The following ATP8A2 variants were observed in gnomAD, a reference collection of about 807,000 sequenced individuals.
The protein encoded by ATP8A2 is ATPase phospholipid transporting 8A2, also known as phospholipid-transporting ATPase IB.
In ATP8A2, 100 loss-of-function variants were observed where a neutral mutation model predicts 165.6. The ratio of observed to expected loss-of-function variants is 0.60; its 90% CI spans 0.51 to 0.71. The LOEUF (loss-of-function observed/expected upper bound fraction) is 0.71. Among genes scored for constraint, ATP8A2 ranks in the 30% least tolerant of loss-of-function variants. The pLI is 0.00. For missense variants in ATP8A2, 1,227 were observed against 1,479.5 expected (o/e 0.83, Z 2.80); for synonymous variants, 543 against 548.8 (o/e 0.99, Z 0.15).
chr13:25,678,524 TGCCAG>T (rs1053062836), intron 24 of ATP8A2, among the ~76,000 whole-genome samples: 2 of 151,972 alleles, frequency 1.3e-5, no homozygotes, highest in African/African-American at 2.4e-5. Context: ...CCTGAGAGTG[TGCCAG>T]CAGGTGGGGT....
intron 36 of ATP8A2, 92 bp downstream of exon 36, chr13:26,012,714 GCCGGGTGAGTGCTGACGGGGGGT>G: frequency 2.3e-5 from 6 of 257,104 alleles, no homozygotes; most frequent in South Asian, 1.7e-4. Context: ...CTGATGGGGG[GCCGGGTGAGTGCTGACGGGGGGT>G]GGGGGCGGGG....
chr13:25,429,938 G>A (rs1221017929), intron 1 of ATP8A2, among the ~76,000 whole-genome samples: 3 of 152,158 alleles, frequency 2.0e-5, no homozygotes, highest in Non-Finnish European at 4.4e-5. Context: ...ATGGCTGTGG[G>A]GATTTTGAGG....
chr13:25,712,615 A>G (rs1367807517), intron 25 of ATP8A2, among the ~76,000 whole-genome samples: 3 of 152,244 alleles, frequency 2.0e-5, no homozygotes, highest in African/African-American at 7.2e-5. Flanking sequence ...GATGATACAT[A>G]AAAAGGATAT....
chr13:25,612,112 AT>A lies in ATP8A2; in HGVS notation c.2211+22420del, dbSNP rs780950974. ...GCTTTTCATTTCATTTATCTTTTGTATTTTTTTGTTTCAATTTTATTTAGTT... is the reference window on the plus strand; with the variant it reads ...GCTTTTCATTTCATTTATCTTTTGTATTTTTTGTTTCAATTTTATTTAGTT... On this transcript the variant is annotated intron_variant, in intron 24 of 36. Coordinates refer to ENST00000381655, the MANE Select transcript of ATP8A2 (RefSeq NM_016529.6). 2.2e-4 allele frequency among the ~76,000 whole-genome samples: 33 copies of A among 151,276 alleles called. 1 individual carries two copies. Among genetic ancestry groups the A allele is most frequent in the East Asian group, 1.6e-3 (8 of 5,134 alleles).
chr13:25,465,889 T>A (rs1240774738), intron 1 of ATP8A2, among the ~76,000 whole-genome samples: 1 of 151,252 alleles, frequency 6.6e-6, no homozygotes. Flanking sequence ...CCTCCCAAAG[T>A]GTTGGGATTA....
At chr13:25,442,205 G>T (rs895501761) in intron 1 of ATP8A2, among the ~76,000 whole-genome samples, 1 of 152,142 alleles carries the variant, frequency 6.6e-6, no homozygotes, top group Non-Finnish European at 1.5e-5. Flanking sequence ...TATAAACATG[G>T]GTGTACAAAT....
chr13:25,968,717 G>T (rs773002289), intron 35 of ATP8A2, 38 bp downstream of exon 35: 1 of 1,517,676 alleles, frequency 6.6e-7, no homozygotes, highest in Admixed American at 1.8e-5. Flanking sequence ...GAACACAGGT[G>T]CTCCCGGCCC....
At chr13:25,507,263 GTATT>G (rs1249923770) in intron 2 of ATP8A2, among the ~76,000 whole-genome samples, 7 of 40,470 alleles carry the variant, frequency 1.7e-4, no homozygotes, top group Non-Finnish European at 2.1e-4. Flanking sequence ...GTGTGTGTGT[GTATT>G]TTGTTGTTGT....
intron 1 of ATP8A2, among the ~76,000 whole-genome samples, chr13:25,410,832 G>T (rs1291170608): frequency 6.6e-6 from 1 of 152,212 alleles, no homozygotes; most frequent in African/African-American, 2.4e-5. Context: ...ATTTCACTTT[G>T]AGAGTTTCTC....
At chr13:25,823,254 TG>T (rs887080700) in intron 27 of ATP8A2, among the ~76,000 whole-genome samples, 3 of 152,230 alleles carry the variant, frequency 2.0e-5, no homozygotes, top group Non-Finnish European at 4.4e-5. Flanking sequence ...GCATATATTT[TG>T]GATTTTATTT....
chr13:25,633,124 G>T (rs1171721589), intron 24 of ATP8A2, among the ~76,000 whole-genome samples: 1 of 152,206 alleles, frequency 6.6e-6, no homozygotes, highest in Admixed American at 6.5e-5. Flanking sequence ...ACAGAAAGAT[G>T]CAGTCAGATT....
chr13:25,814,983 G>A (rs972086065), intron 27 of ATP8A2, among the ~76,000 whole-genome samples: 16 of 151,902 alleles, frequency 1.1e-4, no homozygotes, highest in Non-Finnish European at 1.6e-4. Context: ...GCAGTAGGCC[G>A]TGATTATACC....
At chr13:25,486,485 A>G (rs150366791) in intron 2 of ATP8A2, among the ~76,000 whole-genome samples, 329 of 152,278 alleles carry the variant, frequency 2.2e-3, no homozygotes, top group South Asian at 0.013. Context: ...TTTTTGAACT[A>G]TTGTGTTAAG....
At chr13:25,814,370 CA>C (rs1458820035) in intron 27 of ATP8A2, among the ~76,000 whole-genome samples, 1 of 151,746 alleles carries the variant, frequency 6.6e-6, no homozygotes, top group Non-Finnish European at 1.5e-5. Context: ...ACATTTTTTG[CA>C]AAAACAGGAA....
At chr13:25,414,813 A>C (rs2034086439) in intron 1 of ATP8A2, among the ~76,000 whole-genome samples, 1 of 152,162 alleles carries the variant, frequency 6.6e-6, no homozygotes. Flanking sequence ...ATTCTGAGAG[A>C]ATTGCCCTTC....
intron 35 of ATP8A2, among the ~76,000 whole-genome samples, chr13:25,977,800 C>T (rs932064672): frequency 2.0e-5 from 3 of 152,150 alleles, no homozygotes; most frequent in Non-Finnish European, 1.5e-5. Flanking sequence ...TTGCCCAGTG[C>T]TGCGATGAAG....
chr13:25,940,701 G>T (rs1955046284), intron 33 of ATP8A2, among the ~76,000 whole-genome samples: 1 of 152,186 alleles, frequency 6.6e-6, no homozygotes, highest in Non-Finnish European at 1.5e-5. Flanking sequence ...TTTCCTCTGT[G>T]ATCACATGCA....
At chr13:25,773,364 C>G (rs553067659) in intron 26 of ATP8A2, among the ~76,000 whole-genome samples, 2 of 152,274 alleles carry the variant, frequency 1.3e-5, no homozygotes, top group South Asian at 4.1e-4. Flanking sequence ...ACGCACCAGA[C>G]CAGAGAAACT....
chr13:25,730,630 T>A (rs978226798), intron 25 of ATP8A2, among the ~76,000 whole-genome samples: 12 of 152,216 alleles, frequency 7.9e-5, no homozygotes, highest in African/African-American at 2.9e-4. Context: ...ATTCTTACTT[T>A]ATAATTTTTC....
Sources: gnomAD v4.1 joint callset for allele counts (sites outside exome capture counted in the v4.1 genomes callset) on GRCh38, gnomAD v4.1.1 for gene constraint, MANE v1.5 for transcripts, NCBI Gene and HGNC (gene_info 2026-07-23, HGNC 2026-07-21) for gene names.